Variants in SDHB observed in about 807,000 individuals in gnomAD.
The protein encoded by SDHB is succinate dehydrogenase complex iron sulfur subunit B.
In SDHB, 21 loss-of-function variants were observed where a neutral mutation model predicts 39.7. That is an observed-to-expected ratio of 0.53 (90% CI 0.37 to 0.76). The LOEUF is 0.76. Among genes scored for constraint, SDHB ranks in the 30% least tolerant of loss-of-function variants. SDHB has a pLI of 0.00. For synonymous variants in SDHB, 118 were observed against 117.0 expected (o/e 1.01, Z -0.06); for missense variants, 343 against 350.9 (o/e 0.98, Z 0.18).
At chr1:17,031,207 A>G (rs899752452) in intron 3 of SDHB, among the ~76,000 whole-genome samples, 10 of 152,162 alleles carry the variant, frequency 6.6e-5, no homozygotes, top group African/African-American at 2.4e-4. Context: ...GAGTTCCCCA[A>G]GAGACTGGAT....
rs1570944935 is a variant in SDHB at position 17,022,713 on chromosome 1, A to G, written c.660T>C (p.Ile220=). 1 of 1,613,872 alleles carries G rather than the reference A, an allele frequency of 6.2e-7. No individual in the cohort carries two copies. The highest frequency in any genetic ancestry group is 8.5e-7 in the Non-Finnish European group (1 of 1,179,808). The change falls in exon 7 of 8, where the codon ATT becomes ATC. Residue 220 remains isoleucine, a synonymous_variant. Transcript: ENST00000375499. ...CCTCTGTGAAGTCATCTCTGGAGTC[A>G]ATCATCCAGCGATAGGCCTGGAAAA... The part of the protein sequence containing the change: ...AVLMQAYRWM[I]DSRDDFTEER...
At chr1:17,036,010 G>T (rs1052288359) in intron 2 of SDHB, among the ~76,000 whole-genome samples, 2 of 152,040 alleles carry the variant, frequency 1.3e-5, no homozygotes, top group Admixed American at 1.3e-4. Flanking sequence ...AATAGGTAGG[G>T]CTCATTAAAG....
At chr1:17,025,592 T>G (rs995840525) in intron 5 of SDHB, among the ~76,000 whole-genome samples, 2 of 152,124 alleles carry the variant, frequency 1.3e-5, no homozygotes, top group Non-Finnish European at 2.9e-5. Context: ...AAAGTTTTTG[T>G]AGAGACAGGG....
At chr1:17,029,019 G>A (rs2078007136) in intron 3 of SDHB, among the ~76,000 whole-genome samples, 1 of 151,886 alleles carries the variant, frequency 6.6e-6, no homozygotes, top group African/African-American at 2.4e-5. Flanking sequence ...AGAGGCCTGG[G>A]CGCTGCTGGC....
chr1:17,018,740 A>G lies in SDHB; in HGVS notation c.*141T>C. 1 of 668,822 alleles carries G rather than the reference A, an allele frequency of 1.5e-6. No homozygotes were observed. The highest frequency in any genetic ancestry group is 2.6e-6 in the Non-Finnish European group (1 of 382,996). 41.4% of individuals were successfully genotyped at this position (668,822 alleles called of 1,614,324 possible). ...CAGGTTCTTTTTTTTTTGTTAATAA[A>G]GTAGAATAACATTTATTTCTTAAAA... On this transcript the variant is annotated 3_prime_UTR_variant, in exon 8 of 8. Transcript: ENST00000375499.
At chr1:17,035,762 A>T (rs1023652140) in intron 2 of SDHB, among the ~76,000 whole-genome samples, 29 of 152,240 alleles carry the variant, frequency 1.9e-4, no homozygotes, top group Admixed American at 1.7e-3. Context: ...TGGGAGGCTG[A>T]GGCAGGAAAA....
At chr1:17,033,901 C>T (rs922687619) in intron 2 of SDHB, among the ~76,000 whole-genome samples, 1 of 152,180 alleles carries the variant, frequency 6.6e-6, no homozygotes, top group African/African-American at 2.4e-5. Flanking sequence ...CATGCAGAAA[C>T]TGTGATTCTA....
At chr1:17,021,009 G>A (rs2077959382) in intron 7 of SDHB, among the ~76,000 whole-genome samples, 1 of 152,332 alleles carries the variant, frequency 6.6e-6, no homozygotes, top group South Asian at 2.1e-4. Context: ...CTGACTCACT[G>A]CAACTTTTGA....
intron 2 of SDHB, among the ~76,000 whole-genome samples, chr1:17,039,954 T>C (rs1326488408): frequency 6.6e-6 from 1 of 152,228 alleles, no homozygotes; most frequent in African/African-American, 2.4e-5. Context: ...CCTGGTATTA[T>C]TTTTCCTCAG....
chr1:17,030,520 T>C (rs1262176257), intron 3 of SDHB, among the ~76,000 whole-genome samples: 2 of 152,138 alleles, frequency 1.3e-5, no homozygotes, highest in Admixed American at 6.5e-5. Context: ...ACATGAGAAT[T>C]TTCTTAGCCT....
chr1:17,029,332 A>G (rs533940936), intron 3 of SDHB, among the ~76,000 whole-genome samples: 13 of 152,040 alleles, frequency 8.6e-5, no homozygotes, highest in Admixed American at 3.9e-4. Flanking sequence ...TATGTTGCCC[A>G]GGCTGGGCTT....
At chr1:17,047,014 G>T (rs531703388) in intron 1 of SDHB, among the ~76,000 whole-genome samples, 1 of 152,176 alleles carries the variant, frequency 6.6e-6, no homozygotes, top group East Asian at 1.9e-4. Flanking sequence ...ACCGTGCCTG[G>T]CCAACCTTTT....
At chr1:17,024,146 G>A (rs1253801268) in intron 5 of SDHB, 72 bp from the exon 6 acceptor site, 2 of 1,094,200 alleles carry the variant, frequency 1.8e-6, no homozygotes, top group Non-Finnish European at 2.7e-6. Flanking sequence ...CTGATTAAAT[G>A]TTACCTTTGG....
intron 6 of SDHB, among the ~76,000 whole-genome samples, chr1:17,023,595 C>T (rs1288017886): frequency 4.6e-5 from 7 of 152,228 alleles, no homozygotes; most frequent in African/African-American, 7.2e-5. Context: ...AATCTCATAG[C>T]TGGGCAGCTG....
intron 2 of SDHB, among the ~76,000 whole-genome samples, chr1:17,042,752 T>C (rs2078087707): frequency 6.7e-6 from 1 of 149,052 alleles, no homozygotes; most frequent in South Asian, 2.2e-4. Flanking sequence ...CACTGTAACC[T>C]GGGTGACAGC....
intron 2 of SDHB, among the ~76,000 whole-genome samples, chr1:17,041,690 G>GA (rs1234871860): frequency 6.6e-6 from 1 of 152,008 alleles, no homozygotes; most frequent in African/African-American, 2.4e-5. Context: ...AGAAAAAAAA[G>GA]AAAAATTAAT....
intron 3 of SDHB, among the ~76,000 whole-genome samples, chr1:17,030,899 C>T (rs1557742219): frequency 6.6e-6 from 1 of 151,592 alleles, no homozygotes; most frequent in Admixed American, 6.6e-5. Flanking sequence ...TCAGGCTGGT[C>T]TCGAACTCTG....
At chr1:17,053,609 T>C (rs1354179115) in intron 1 of SDHB, among the ~76,000 whole-genome samples, 1 of 152,130 alleles carries the variant, frequency 6.6e-6, no homozygotes, top group East Asian at 1.9e-4. Flanking sequence ...GAAAAAGGGC[T>C]TGGAACTCCA....
chr1:17,022,204 C>T (rs1296551971), intron 7 of SDHB, among the ~76,000 whole-genome samples: 1 of 152,230 alleles, frequency 6.6e-6, no homozygotes, highest in African/African-American at 2.4e-5. Flanking sequence ...AAGGAAAGAA[C>T]AGGCTGCTAG....
Sources: allele counts gnomAD v4.1 joint callset (sites outside exome capture counted in the v4.1 genomes callset), GRCh38; gene constraint gnomAD v4.1.1; transcripts MANE v1.5; gene names NCBI Gene and HGNC (gene_info 2026-07-23, HGNC 2026-07-21).